The following ESR1 variants were observed in gnomAD, a reference collection of about 807,000 sequenced individuals.
ESR1 encodes the protein estrogen receptor 1.
Under a neutral mutation model 52.7 loss-of-function variants are expected in ESR1, and 12 were observed. The ratio of observed to expected loss-of-function variants is 0.23; its 90% CI spans 0.15 to 0.37. The LOEUF is 0.37. Ranked by LOEUF, ESR1 falls within the 10% of genes least tolerant of loss-of-function variation. The pLI, the probability that ESR1 is intolerant of heterozygous loss-of-function variation, is 1.00. For missense variants in ESR1, 584 were observed against 779.7 expected (o/e 0.75, Z 2.99); for synonymous variants, 305 against 316.8 (o/e 0.96, Z 0.39).
At position 151,827,831 on chromosome 6, in the gene ESR1, C is replaced by G. The variant is rs190007444; in HGVS notation, c.453-14766C>G. Among the ~76,000 whole-genome samples, 9 of 152,182 alleles carry G rather than the reference C, an allele frequency of 5.9e-5. No individual in the cohort carries two copies. The South Asian group carries it at 6.2e-4, about 11-fold the overall frequency. On this transcript the variant is annotated intron_variant, in intron 1 of 7. Transcript: ENST00000206249. ...AACCTTTGCAGCATAGTCCATTTAC[C>G]GAAAGACTATATGTATGCACTTCAA...
At chr6:152,044,727 G>A (rs2046088489) in intron 5 of ESR1, among the ~76,000 whole-genome samples, 1 of 152,196 alleles carries the variant, frequency 6.6e-6, no homozygotes, top group Non-Finnish European at 1.5e-5. Context: ...AGCCAGTCTA[G>A]TCCTTCCATG....
intron 3 of ESR1, among the ~76,000 whole-genome samples, chr6:151,928,332 C>G (rs1349690173): frequency 6.6e-6 from 1 of 152,150 alleles, no homozygotes; most frequent in Non-Finnish European, 1.5e-5. Context: ...AATGATCTGG[C>G]AACAAAACAC....
exon 7 of ESR1, chr6:152,127,984 C>A (rs1020735618): frequency 1.3e-5 from 2 of 152,144 alleles, no homozygotes; most frequent in Non-Finnish European, 2.9e-5. Context: ...ACCTAAGGTG[C>A]CCAAGGCAAT....
At chr6:151,769,648 C>T (rs148720637) in intron 2 of ESR1, among the ~76,000 whole-genome samples, 1,531 of 152,236 alleles carry the variant, frequency 0.01, 12 homozygotes, top group South Asian at 0.023. Context: ...GACTGGGCTA[C>T]GCAGGGGCTA....
At chr6:151,914,197 G>C (rs932559457) in intron 3 of ESR1, among the ~76,000 whole-genome samples, 2 of 150,922 alleles carry the variant, frequency 1.3e-5, no homozygotes, top group African/African-American at 2.4e-5. Context: ...CTGCAATTCA[G>C]GGCTCACAAT....
chr6:151,858,538 T>G (rs1328796203), intron 2 of ESR1, among the ~76,000 whole-genome samples: 1 of 151,684 alleles, frequency 6.6e-6, no homozygotes, highest in African/African-American at 2.4e-5. Context: ...TTTGATTGTT[T>G]GAATGTGTCC....
chr6:151,874,222 A>G (rs1791445693), intron 2 of ESR1, among the ~76,000 whole-genome samples: 1 of 152,220 alleles, frequency 6.6e-6, no homozygotes, highest in African/African-American at 2.4e-5. Context: ...CCCGGTTTAC[A>G]TAACTTGCCT....
At chr6:151,658,000 T>A (rs1233181325) in intron 1 of ESR1, among the ~76,000 whole-genome samples, 1 of 152,148 alleles carries the variant, frequency 6.6e-6, no homozygotes, top group Non-Finnish European at 1.5e-5. Flanking sequence ...ATTGGAAAAT[T>A]TTGTAGGCTA....
intron 1 of ESR1, among the ~76,000 whole-genome samples, chr6:151,681,357 A>T (rs1446149254): frequency 6.6e-6 from 1 of 151,888 alleles, no homozygotes. Context: ...GAGATGACTG[A>T]TGAAAGCGAC....
At chr6:151,817,708 A>T (rs1036988902) in intron 1 of ESR1, among the ~76,000 whole-genome samples, 11 of 152,362 alleles carry the variant, frequency 7.2e-5, no homozygotes, top group African/African-American at 2.4e-4. Flanking sequence ...GCAATCTAAA[A>T]CATGGACACA....
downstream of ESR1, among the ~76,000 whole-genome samples, chr6:152,107,337 A>G (rs1037245927): frequency 4.6e-5 from 7 of 152,008 alleles, no homozygotes; most frequent in African/African-American, 1.4e-4. Flanking sequence ...CTATTCATTT[A>G]TCTTCCAGGG....
chr6:151,899,879 G>A (rs1399874305), intron 3 of ESR1, among the ~76,000 whole-genome samples: 1 of 151,716 alleles, frequency 6.6e-6, no homozygotes, highest in Non-Finnish European at 1.5e-5. Flanking sequence ...TAGATGGGAT[G>A]GCGGCTGGGC....
chr6:152,127,630 C>A (rs1269743007), exon 7 of ESR1: 1 of 152,158 alleles, frequency 6.6e-6, no homozygotes, highest in Non-Finnish European at 1.5e-5. Flanking sequence ...CCTCAAATAG[C>A]AACAGAGAAA....
intron 2 of ESR1, among the ~76,000 whole-genome samples, chr6:151,792,762 C>T (rs1256051510): frequency 6.6e-6 from 1 of 152,170 alleles, no homozygotes; most frequent in African/African-American, 2.4e-5. Context: ...TTAAAATCTT[C>T]TTGACTGTTT....
intron 6 of ESR1, among the ~76,000 whole-genome samples, chr6:152,071,812 T>G (rs188417299): frequency 2.0e-5 from 3 of 152,356 alleles, no homozygotes; most frequent in Admixed American, 2.0e-4. Context: ...TAAATAACAT[T>G]TGTTTTGCAT....
At chr6:152,125,185 C>A (rs2813562) in intron 6 of ESR1, 1 of 1,483,038 alleles carries the variant, frequency 6.7e-7, no homozygotes, top group South Asian at 1.4e-5. Context: ...CCCTGCCCAC[C>A]GCACTCTCTG....
chr6:151,900,152 T>A (rs1796461364), intron 3 of ESR1, among the ~76,000 whole-genome samples: 4 of 152,230 alleles, frequency 2.6e-5, no homozygotes, highest in Admixed American at 2.6e-4. Flanking sequence ...TCTTTTTTCT[T>A]TGTCTTTGTT....
chr6:151,700,089 A>G (rs116826088), intron 1 of ESR1, among the ~76,000 whole-genome samples: 2,857 of 152,206 alleles, frequency 0.019, 102 homozygotes, highest in African/African-American at 0.066. Flanking sequence ...AAAAAAAAAA[A>G]AAGAGTTCAT....
upstream of ESR1, among the ~76,000 whole-genome samples, chr6:151,686,064 A>ATGTTTTTTTTTTTTTTTTTTTTTTTT (rs1778652788): frequency 8.7e-6 from 1 of 114,368 alleles, no homozygotes; most frequent in African/African-American, 4.2e-5. Context: ...AATTAAAACA[A>ATGTTTTTTTTTTTTTTTTTTTTTTTT]TTTTTTTTTT....
Sources: allele counts gnomAD v4.1 joint callset (sites outside exome capture counted in the v4.1 genomes callset), GRCh38; gene constraint gnomAD v4.1.1; transcripts MANE v1.5; gene names NCBI Gene and HGNC (gene_info 2026-07-23, HGNC 2026-07-21).